Variants in CDCP1 observed in about 807,000 individuals in gnomAD.
CDCP1 encodes CUB domain containing protein 1, also known as CUB domain-containing protein 1.
Under a neutral mutation model 60.2 loss-of-function variants are expected in CDCP1, and 29 were observed. The ratio of observed to expected loss-of-function variants is 0.48; its 90% CI spans 0.36 to 0.66. The LOEUF is 0.66. CDCP1 is among the 30% of genes least tolerant of loss of function. The pLI is 0.00. For synonymous variants in CDCP1, 387 were observed against 431.1 expected (o/e 0.90, Z 1.27); for missense variants, 876 against 1,074.3 (o/e 0.82, Z 2.58).
At chr3:45,105,239 A>AT (rs1364153456) in intron 4 of CDCP1, among the ~76,000 whole-genome samples, 1 of 152,010 alleles carries the variant, frequency 6.6e-6, no homozygotes, top group South Asian at 2.1e-4. Flanking sequence ...TAGATAGACA[A>AT]TTTTTTTTGG....
At chr3:45,141,064 G>T (rs551333508) in intron 1 of CDCP1, among the ~76,000 whole-genome samples, 6 of 152,322 alleles carry the variant, frequency 3.9e-5, no homozygotes, top group African/African-American at 1.4e-4. Context: ...AGCTGGGCAT[G>T]GTTGTGCACG....
chr3:45,135,370 A>C (rs1279442942), intron 1 of CDCP1, among the ~76,000 whole-genome samples: 1 of 152,130 alleles, frequency 6.6e-6, no homozygotes, highest in Admixed American at 6.5e-5. Context: ...CACTTTCTGC[A>C]TTCCTTCCTT....
At chr3:45,141,926 G>C (rs1009818358) in intron 1 of CDCP1, among the ~76,000 whole-genome samples, 1 of 152,088 alleles carries the variant, frequency 6.6e-6, no homozygotes. Context: ...CTGCCCCCCG[G>C]GTTCAAGCGA....
chr3:45,107,562 A>G (rs1200190821), intron 4 of CDCP1, among the ~76,000 whole-genome samples: 1 of 152,102 alleles, frequency 6.6e-6, no homozygotes, highest in Non-Finnish European at 1.5e-5. Context: ...CCTGCAGGAA[A>G]CATTTAAAGA....
rs3749191 is a variant in CDCP1, at chr3:45,093,330, T to C, written c.1574A>G (p.Gln525Arg). 0.66 allele frequency: 1,060,235 copies of C among 1,613,912 alleles called. 353,659 individuals are homozygous for C. Among genetic ancestry groups the C allele is most frequent in the East Asian group, 0.97 (43,621 of 44,858 alleles). Reference protein sequence around the residue: ...VTLRTFAPSFQQEASRQGLTV... With the variant: ...VTLRTFAPSFRQEASRQGLTV... Reference sequence around the variant, plus strand: ...CAGACCCTGCCTGGAGGCCTCTTGTTGGAAGCTGGGGGCAAAGGTGCGAAG... The same window carrying C: ...CAGACCCTGCCTGGAGGCCTCTTGTCGGAAGCTGGGGGCAAAGGTGCGAAG... The change falls in exon 6 of 9, where the codon CAA (glutamine) becomes CGA (arginine). Residue 525 changes from glutamine (Q) to arginine (R), a missense_variant. By Grantham distance (43) the Gln-to-Arg change is conservative (BLOSUM62 1). Transcript: ENST00000296129.
intron 1 of CDCP1, among the ~76,000 whole-genome samples, chr3:45,126,239 C>T (rs1395224138): frequency 1.4e-5 from 2 of 141,490 alleles, no homozygotes; most frequent in East Asian, 4.1e-4. Flanking sequence ...TCCTTTCTTC[C>T]TTCCTTCCTT....
At chr3:45,119,342 C>T (rs1479539274) in intron 1 of CDCP1, among the ~76,000 whole-genome samples, 4 of 152,166 alleles carry the variant, frequency 2.6e-5, no homozygotes, top group Non-Finnish European at 4.4e-5. Flanking sequence ...CAAGCCCAAT[C>T]TCCTTCCCAT....
intron 4 of CDCP1, among the ~76,000 whole-genome samples, chr3:45,102,184 G>A (rs1342715754): frequency 2.0e-5 from 3 of 151,814 alleles, no homozygotes; most frequent in Non-Finnish European, 2.9e-5. Context: ...TGATTCCCCT[G>A]CCTCAGCCTC....
At position 45,083,014 on chromosome 3, in the gene CDCP1, C is replaced by T. The variant is rs1698129526; in HGVS notation, c.*2624G>A. The T allele has an allele frequency of 6.6e-6, 1 of 152,230 alleles. No homozygotes were observed. Among genetic ancestry groups the T allele is most frequent in the South Asian group, 2.1e-4 (1 of 4,832 alleles). The allele number at this position is 152,230 out of a possible 1,614,324, so 9.4% of individuals were successfully genotyped here. The stretch of plus-strand genomic sequence containing the variant: ...TGAAGGAAAATGGCCACGTGGTGTC[C>T]TTGCAGGCAACAGTGATGTCGGTGA... On this transcript the variant is annotated 3_prime_UTR_variant, in exon 9 of 9. Coordinates refer to ENST00000296129, the MANE Select transcript of CDCP1 (RefSeq NM_022842.5).
intron 1 of CDCP1, among the ~76,000 whole-genome samples, chr3:45,137,441 G>A (rs967301144): frequency 1.3e-5 from 2 of 152,100 alleles, no homozygotes; most frequent in African/African-American, 2.4e-5. Context: ...AAGAAGTTAT[G>A]TTGAGGGTTT....
intron 1 of CDCP1, among the ~76,000 whole-genome samples, chr3:45,125,777 T>C (rs1268478190): frequency 6.6e-6 from 1 of 152,212 alleles, no homozygotes; most frequent in East Asian, 1.9e-4. Flanking sequence ...GCAGTGCCAC[T>C]TAAGGAAGCA....
intron 2 of CDCP1, among the ~76,000 whole-genome samples, 155 bp from the exon 3 acceptor site, chr3:45,112,600 T>C (rs1252724817): frequency 6.6e-6 from 1 of 152,198 alleles, no homozygotes; most frequent in Admixed American, 6.5e-5. Flanking sequence ...CTGCTGTGAG[T>C]CTTAGTGGCC....
chr3:45,144,371 C>G (rs1343742579), intron 1 of CDCP1, among the ~76,000 whole-genome samples: 2 of 152,222 alleles, frequency 1.3e-5, no homozygotes, highest in Admixed American at 6.5e-5. Context: ...CAGGCAACTA[C>G]TCCAACCACA....
intron 1 of CDCP1, among the ~76,000 whole-genome samples, chr3:45,138,497 A>C (rs534690153): frequency 6.6e-6 from 1 of 152,370 alleles, no homozygotes; most frequent in East Asian, 1.9e-4. Context: ...AAAGTGTCTT[A>C]GTTCGTTTTG....
chr3:45,119,450 T>G (rs1177614511), intron 1 of CDCP1, among the ~76,000 whole-genome samples: 1 of 152,138 alleles, frequency 6.6e-6, no homozygotes, highest in Non-Finnish European at 1.5e-5. Flanking sequence ...ATTCTGATTA[T>G]GAGTCTCCGG....
chr3:45,125,766 G>C (rs951539352), intron 1 of CDCP1, among the ~76,000 whole-genome samples: 5 of 152,156 alleles, frequency 3.3e-5, no homozygotes, highest in Non-Finnish European at 7.4e-5. Context: ...TCACTGTCAG[G>C]GCAGTGCCAC....
At chr3:45,092,692 G>A (rs2125990270) in intron 6 of CDCP1, among the ~76,000 whole-genome samples, 1 of 152,342 alleles carries the variant, frequency 6.6e-6, no homozygotes, top group Non-Finnish European at 1.5e-5. Flanking sequence ...AATGGTGACT[G>A]TGACTTTTAA....
chr3:45,142,526 A>G (rs1051560834), intron 1 of CDCP1, among the ~76,000 whole-genome samples: 2 of 152,198 alleles, frequency 1.3e-5, no homozygotes, highest in African/African-American at 4.8e-5. Flanking sequence ...TGGTGAAACA[A>G]CAGTGAGGAG....
At chr3:45,102,551 T>A (rs904556834) in intron 4 of CDCP1, among the ~76,000 whole-genome samples, 5 of 145,436 alleles carry the variant, frequency 3.4e-5, no homozygotes, top group African/African-American at 1.3e-4. Context: ...ATGCCTGTAA[T>A]CCCAGCACTT....
Sources: allele counts gnomAD v4.1 joint callset (sites outside exome capture counted in the v4.1 genomes callset), GRCh38; gene constraint gnomAD v4.1.1; transcripts MANE v1.5; gene names NCBI Gene and HGNC (gene_info 2026-07-23, HGNC 2026-07-21).